The following CCDC158 variants were observed in gnomAD, a reference collection of about 807,000 sequenced individuals.
CCDC158 encodes the protein coiled-coil domain-containing protein 158.
A neutral mutation model predicts 138.6 loss-of-function variants in CCDC158; 116 were observed. The ratio of observed to expected loss-of-function variants is 0.84; its 90% confidence interval spans 0.72 to 0.98. The LOEUF (loss-of-function observed/expected upper bound fraction) is 0.98, where lower values mean the gene tolerates loss of function less well. Among genes scored for constraint, CCDC158 ranks in the 50% least tolerant of loss-of-function variants. The probability of loss-of-function intolerance (pLI) is 0.00; values close to 1 mark genes in which losing one functional copy is unlikely to be tolerated. For missense variants in CCDC158, 1,265 were observed against 1,306.1 expected (o/e 0.97, Z 0.48); for synonymous variants, 436 against 442.4 (o/e 0.99, Z 0.18).
At chr4:76,320,876 A>C (rs1399764804) in intron 24 of CCDC158, among the ~76,000 whole-genome samples, 1 of 152,228 alleles carries the variant, frequency 6.6e-6, no homozygotes, top group Admixed American at 6.5e-5. Context: ...CCAAGAACCC[A>C]AAAGCAAATG....
intron 18 of CCDC158, chr4:76,345,079 A>G (rs1722412000): frequency 1.5e-6 from 2 of 1,327,220 alleles, no homozygotes; most frequent in South Asian, 1.2e-5. Context: ...AAATGACCAG[A>G]TCTCATAAAA....
chr4:76,345,203 T>G (rs913656058), intron 18 of CCDC158: 1 of 959,198 alleles, frequency 1.0e-6, no homozygotes, highest in Non-Finnish European at 1.7e-6. Flanking sequence ...TTGACAAACT[T>G]AGGAAAGTAG....
rs553193347 is a variant in CCDC158 at position 76,342,314 on chromosome 4, T to G, written c.2665-8147A>C. On this transcript the variant is annotated intron_variant, in intron 18 of 24. Transcript: ENST00000682701. Reference sequence around the variant, plus strand: ...CTCAGTCCCTACAAAGTGTTGGAATTTCAAGCATTAACCACAGTGCCCAGA... The same window carrying G: ...CTCAGTCCCTACAAAGTGTTGGAATGTCAAGCATTAACCACAGTGCCCAGA... 7.2e-5 allele frequency among the ~76,000 whole-genome samples: 11 copies of G among 152,306 alleles called. No homozygotes were observed. In the South Asian group the frequency reaches 8.3e-4, roughly 11 times the overall value.
chr4:76,355,445 A>G lies in CCDC158; in HGVS notation c.2174-9T>C. 1.3e-6 allele frequency: 2 copies of G among 1,582,678 alleles called. No individual in the cohort carries two copies. Among genetic ancestry groups the G allele is most frequent in the South Asian group, 2.2e-5 (2 of 90,488 alleles). On this transcript the variant is annotated splice_polypyrimidine_tract_variant and intron_variant, in intron 14 of 24. Transcript: ENST00000682701. ...CATTGCCACTTTCATAGCTGGAAAA[A>G]AAAAAGAGGCAAACTATGCCTTAGG... is the stretch of plus-strand genomic sequence containing the variant.
At chr4:76,383,604 A>T in intron 7 of CCDC158, 58 bp downstream of exon 7, 1 of 1,236,056 alleles carries the variant, frequency 8.1e-7, no homozygotes, top group Non-Finnish European at 1.2e-6. Context: ...TGGCCGAAAC[A>T]CTGTAAAACT....
chr4:76,325,929 C>T lies in CCDC158; in HGVS notation c.3097G>A (p.Val1033Ile), dbSNP rs1256698359. Residue 1033 changes from valine (V) to isoleucine (I), a missense_variant, in exon 23 of 25, where the codon GTT becomes ATT. By Grantham distance (29) the Val-to-Ile change is conservative. Coordinates refer to ENST00000682701, the MANE Select transcript of CCDC158 (RefSeq NM_001394954.1). ...SPVHSLLTSS[V>I]EGSIGSTSQY... ...GATGTGGAACCTATTGAACCTTCAA[C>T]TGAACTAGTTAGGAGTGAGTGCACT... 1.9e-6 allele frequency: 3 copies of T among 1,613,710 alleles called. No homozygotes were observed. Among genetic ancestry groups the T allele is most frequent in the Admixed American group, 1.7e-5 (1 of 60,024 alleles).
intron 9 of CCDC158, chr4:76,375,348 T>G: frequency 2.3e-6 from 1 of 430,926 alleles, no homozygotes; most frequent in East Asian, 3.4e-5. Flanking sequence ...CACACGAGGT[T>G]TGGTTTGTCT....
intron 24 of CCDC158, among the ~76,000 whole-genome samples, chr4:76,319,889 G>A (rs1193600276): frequency 6.6e-6 from 1 of 152,078 alleles, no homozygotes; most frequent in Non-Finnish European, 1.5e-5. Context: ...TACAAAACGA[G>A]GATGCCCACT....
chr4:76,381,670 A>G (rs1726257921), intron 8 of CCDC158, among the ~76,000 whole-genome samples: 1 of 152,110 alleles, frequency 6.6e-6, no homozygotes. Flanking sequence ...GGGACTGTTG[A>G]GAAGGGATAA....
At chr4:76,325,793 G>T (rs1351100657) in intron 23 of CCDC158, 64 bp downstream of exon 23, 1 of 1,410,592 alleles carries the variant, frequency 7.1e-7, no homozygotes, top group Non-Finnish European at 9.7e-7. Flanking sequence ...TGAGTAAAAA[G>T]AACTTACAGT....
chr4:76,345,222 G>C, intron 18 of CCDC158: 1 of 937,652 alleles, frequency 1.1e-6, no homozygotes, highest in South Asian at 1.3e-5. Flanking sequence ...AGAGGGTCAA[G>C]TTTCATCAGA....
intron 1 of CCDC158, among the ~76,000 whole-genome samples, chr4:76,416,622 C>T (rs1029120938): frequency 1.3e-5 from 2 of 152,196 alleles, no homozygotes; most frequent in African/African-American, 4.8e-5. Flanking sequence ...TGCCCTGTGT[C>T]CCAGCTGCTC....
rs780934413 is a variant in CCDC158 at position 76,396,335 on chromosome 4, T to C, written c.222A>G (p.Glu74=). ...ATTCTTCCAAAACACGTTCAAAGTG[T>C]TCCTTTCCAGGAGATGGGATGATTT... ...PRKIIPSPGK[E]HFERVLEEYS... The change falls in exon 4 of 25, where the codon GAA becomes GAG. Residue 74 remains glutamate, a synonymous_variant. Coordinates refer to ENST00000682701, the MANE Select transcript of CCDC158 (RefSeq NM_001394954.1). 6.2e-7 allele frequency: 1 copy of C among 1,614,058 alleles called. No homozygotes were observed.
At chr4:76,335,910 G>A (rs1219130871) in intron 18 of CCDC158, among the ~76,000 whole-genome samples, 2 of 151,692 alleles carry the variant, frequency 1.3e-5, no homozygotes, top group African/African-American at 2.4e-5. Flanking sequence ...GGCAGGGCGC[G>A]GTGGCTCACA....
At chr4:76,343,655 G>A (rs1170678924) in intron 18 of CCDC158, among the ~76,000 whole-genome samples, 1 of 152,058 alleles carries the variant, frequency 6.6e-6, no homozygotes, top group Admixed American at 6.6e-5. Context: ...ACAAAAATTA[G>A]CCAGGTGTGG....
At chr4:76,338,898 G>T (rs1370462335) in intron 18 of CCDC158, among the ~76,000 whole-genome samples, 1 of 152,182 alleles carries the variant, frequency 6.6e-6, no homozygotes, top group Non-Finnish European at 1.5e-5. Context: ...AAGGGGGAAA[G>T]ACCCAATGAT....
At chr4:76,394,953 CTA>C in intron 4 of CCDC158, among the ~76,000 whole-genome samples, 1 of 151,682 alleles carries the variant, frequency 6.6e-6, no homozygotes, top group African/African-American at 2.4e-5. Context: ...TATAGAAAAT[CTA>C]TATGATATGT....
chr4:76,412,468 T>C (rs1294928010), intron 1 of CCDC158, among the ~76,000 whole-genome samples: 1 of 152,010 alleles, frequency 6.6e-6, no homozygotes. Flanking sequence ...TTTTTAAAAA[T>C]AGCCTATAGT....
chr4:76,355,321 C>T lies in CCDC158; in HGVS notation c.2286+3G>A, dbSNP rs1723437650. On this transcript the variant is annotated splice_donor_region_variant and intron_variant, in intron 15 of 24. Coordinates refer to ENST00000682701, the MANE Select transcript of CCDC158 (RefSeq NM_001394954.1). ...TTTCCCCACTCTGAGGACAGCAACC[C>T]ACCTTATTTGCATTTGTCATTGCCT... 1.3e-6 allele frequency: 2 copies of T among 1,595,892 alleles called. No individual in the cohort carries two copies. Among genetic ancestry groups the T allele is most frequent in the African/African-American group, 1.3e-5 (1 of 74,650 alleles).
Sources: allele counts gnomAD v4.1 joint callset (sites outside exome capture counted in the v4.1 genomes callset), GRCh38; gene constraint gnomAD v4.1.1; transcripts MANE v1.5; gene names NCBI Gene and HGNC (gene_info 2026-07-23, HGNC 2026-07-21).